TPD52: variants seen among roughly 807,000 people sequenced by gnomAD.
TPD52 encodes tumor protein D52, also known as prostate and colon associated protein.
A neutral mutation model predicts 31.3 loss-of-function variants in TPD52; 17 were observed. The observed-to-expected ratio is 0.54, with a 90% CI of 0.37 to 0.82. The LOEUF is 0.82. Ranked by LOEUF, TPD52 falls within the 40% of genes least tolerant of loss-of-function variation. TPD52 has a pLI of 0.00. For synonymous variants in TPD52, 83 were observed against 89.6 expected (o/e 0.93, Z 0.42); for missense variants, 212 against 240.1 (o/e 0.88, Z 0.77).
intron 1 of TPD52, among the ~76,000 whole-genome samples, chr8:80,139,323 TCA>T (rs1247788783): frequency 2.0e-5 from 3 of 152,212 alleles, no homozygotes; most frequent in East Asian, 3.8e-4. Context: ...TTTAGTATAT[TCA>T]CAGAGTTATG....
chr8:80,068,613 T>G (rs1813422311), intron 1 of TPD52, among the ~76,000 whole-genome samples: 1 of 152,220 alleles, frequency 6.6e-6, no homozygotes, highest in African/African-American at 2.4e-5. Context: ...ATAGGATCCC[T>G]GAAGAGCTTT....
chr8:80,076,423 C>A (rs561838031), intron 1 of TPD52, among the ~76,000 whole-genome samples: 6 of 152,134 alleles, frequency 3.9e-5, no homozygotes, highest in Admixed American at 2.6e-4. Context: ...AAACAGGGCA[C>A]CTTGTCACTT....
At chr8:80,051,369 A>T in intron 4 of TPD52, 158 bp downstream of exon 4, 1 of 632,566 alleles carries the variant, frequency 1.6e-6, no homozygotes, top group Non-Finnish European at 2.8e-6. Context: ...AGAAGACCTT[A>T]GATGAGCCTT....
intron 1 of TPD52, among the ~76,000 whole-genome samples, chr8:80,113,622 T>C (rs1027509896): frequency 1.3e-5 from 2 of 152,094 alleles, no homozygotes; most frequent in Non-Finnish European, 2.9e-5. Flanking sequence ...AATCCTGTCA[T>C]TCACAGCAAT....
intron 1 of TPD52, among the ~76,000 whole-genome samples, chr8:80,090,242 A>C (rs1016813161): frequency 6.6e-6 from 1 of 152,166 alleles, no homozygotes; most frequent in Non-Finnish European, 1.5e-5. Context: ...AAAAATAAAA[A>C]ATAAAAATTA....
intron 2 of TPD52, among the ~76,000 whole-genome samples, chr8:80,061,499 T>C (rs1028966720): frequency 6.6e-6 from 1 of 150,450 alleles, no homozygotes; most frequent in Non-Finnish European, 1.5e-5. Flanking sequence ...TCCAGAAACA[T>C]AGCAAGACCC....
intron 1 of TPD52, among the ~76,000 whole-genome samples, chr8:80,082,125 T>C (rs1234870565): frequency 1.3e-5 from 2 of 152,082 alleles, no homozygotes; most frequent in Admixed American, 6.5e-5. Flanking sequence ...AGTCTTTTTT[T>C]TTTTTTTTTA....
chr8:80,033,162 CAAAAGCTCAG>C (rs1563548823), downstream of TPD52: 1 of 152,546 alleles, frequency 6.6e-6, no homozygotes, highest in Non-Finnish European at 1.5e-5. Context: ...TGGTAAAACC[CAAAAGCTCAG>C]AGATGCCAGC....
downstream of TPD52, among the ~76,000 whole-genome samples, chr8:80,032,483 C>T (rs774777103): frequency 1.6e-4 from 24 of 152,112 alleles, no homozygotes; most frequent in Non-Finnish European, 3.2e-4. Flanking sequence ...GAGGGAACAT[C>T]GCTTGAGCCC....
At chr8:80,060,796 T>G (rs1352299353) in intron 2 of TPD52, among the ~76,000 whole-genome samples, 1 of 147,578 alleles carries the variant, frequency 6.8e-6, no homozygotes, top group Non-Finnish European at 1.5e-5. Context: ...CCACTAAAAC[T>G]AGGAATAAAA....
At chr8:80,153,721 T>C (rs908853464) in intron 1 of TPD52, among the ~76,000 whole-genome samples, 1 of 152,198 alleles carries the variant, frequency 6.6e-6, no homozygotes, top group African/African-American at 2.4e-5. Flanking sequence ...ATAAACTCTA[T>C]GATCTTGGGG....
chr8:80,118,823 T>C (rs1808049687), intron 1 of TPD52, among the ~76,000 whole-genome samples: 1 of 152,188 alleles, frequency 6.6e-6, no homozygotes, highest in Non-Finnish European at 1.5e-5. Context: ...CTAACAGGTA[T>C]GTAACACAGT....
At chr8:80,061,373 C>T (rs866996689) in intron 2 of TPD52, among the ~76,000 whole-genome samples, 1 of 103,986 alleles carries the variant, frequency 9.6e-6, no homozygotes, top group Non-Finnish European at 2.0e-5. Context: ...CCTTCCCCCC[C>T]ACCGCCCCCC....
At chr8:80,123,399 C>T (rs9643750) in intron 1 of TPD52, among the ~76,000 whole-genome samples, 50,836 of 152,006 alleles carry the variant, frequency 0.33, 9,930 homozygotes, top group East Asian at 0.71. Context: ...GGCGATGGTA[C>T]CTCCGACCAA....
Position 80,094,466 on chromosome 8 carries a change from A to ATATATGTATG in TPD52, c.20-29874_20-29873insCATACATATA, listed in dbSNP as rs1563621514. Among the ~76,000 whole-genome samples, 5 of 105,620 alleles carry ATATATGTATG rather than the reference A, an allele frequency of 4.7e-5. 1 individual carries two copies. The highest frequency in any genetic ancestry group is 7.7e-5 in the Non-Finnish European group (4 of 51,874). 69.3% of individuals were successfully genotyped at this position (105,620 alleles called of 152,430 possible). ...TATATATATATATATATATATATAT[A>ATATATGTATG]TATATATATATATATATATGTATGT... On this transcript the variant is annotated intron_variant, in intron 1 of 7. Transcript: ENST00000518937.
At chr8:80,147,881 C>T (rs1477258873) in intron 1 of TPD52, among the ~76,000 whole-genome samples, 2 of 151,978 alleles carry the variant, frequency 1.3e-5, no homozygotes, top group East Asian at 1.9e-4. Flanking sequence ...TACTTTATTT[C>T]CTACTAACTT....
At chr8:80,122,376 TAA>T (rs1434709675) in intron 1 of TPD52, among the ~76,000 whole-genome samples, 23 of 151,896 alleles carry the variant, frequency 1.5e-4, no homozygotes, top group Non-Finnish European at 2.9e-5. Flanking sequence ...AAAAAGTGAG[TAA>T]AGAGACCCCA....
chr8:80,147,723 A>G (rs1294122645), intron 1 of TPD52, among the ~76,000 whole-genome samples: 1 of 152,078 alleles, frequency 6.6e-6, no homozygotes, highest in Non-Finnish European at 1.5e-5. Flanking sequence ...TCTGAGACCT[A>G]TGGAACAAAC....
At chr8:80,153,325 T>C (rs1475318960) in intron 1 of TPD52, among the ~76,000 whole-genome samples, 1 of 152,194 alleles carries the variant, frequency 6.6e-6, no homozygotes, top group Non-Finnish European at 1.5e-5. Context: ...TCCATTGGCT[T>C]CCCTTGGAAT....
Sources: gnomAD v4.1 joint callset for allele counts (sites outside exome capture counted in the v4.1 genomes callset) on GRCh38, gnomAD v4.1.1 for gene constraint, MANE v1.5 for transcripts, NCBI Gene and HGNC (gene_info 2026-07-23, HGNC 2026-07-21) for gene names.